Variants in NBAS observed in about 807,000 individuals in gnomAD.
NBAS encodes NAG/BC035112 fusion.
A neutral mutation model predicts 302.5 loss-of-function variants in NBAS; 219 were observed. That is an observed-to-expected ratio of 0.72 (90% CI 0.65 to 0.81). The LOEUF (loss-of-function observed/expected upper bound fraction) is 0.81. Among genes scored for constraint, NBAS ranks in the 30% least tolerant of loss-of-function variants. The probability of loss-of-function intolerance (pLI) is 0.00; values close to 1 mark genes in which losing one functional copy is unlikely to be tolerated. For synonymous variants in NBAS, 1,118 were observed against 1,021.6 expected (o/e 1.09, Z -1.80); for missense variants, 2,932 against 2,841.6 (o/e 1.03, Z -0.72).
chr2:15,096,577 C>T, the NBAS span, among the ~76,000 whole-genome samples: 1 of 152,200 alleles, frequency 6.6e-6, no homozygotes, highest in African/African-American at 2.4e-5. Flanking sequence ...TTCCCAAATG[C>T]AACAACTCTC....
In NBAS at chr2:15,374,901, A is replaced by C. The variant is rs115782429; in HGVS notation, c.3591-181T>G. On this transcript the variant is annotated intron_variant, in intron 30 of 51. Transcript: ENST00000281513. Reference sequence around the variant, plus strand: ...GCCTCTGAGGTAGGCAAACATCATCATCTATCTGCCTTTTCAGGGAGCTAA... The same window carrying C: ...GCCTCTGAGGTAGGCAAACATCATCCTCTATCTGCCTTTTCAGGGAGCTAA... 4.1e-3 allele frequency among the ~76,000 whole-genome samples: 617 copies of C among 152,272 alleles called. 4 individuals carry two copies. The highest frequency in any genetic ancestry group is 0.013 in the African/African-American group (550 of 41,556).
chr2:14,946,804 CAATAAAGTAAA>C, the NBAS span, among the ~76,000 whole-genome samples: 12 of 152,110 alleles, frequency 7.9e-5, no homozygotes, highest in Admixed American at 7.9e-4. Flanking sequence ...GGAACAAATT[CAATAAAGTAAA>C]AATCATATCA....
rs1677324475 is a variant in NBAS, at chr2:15,423,818, T to TC, written c.2577+496dup. Among the ~76,000 whole-genome samples, 3 of 152,326 alleles carry TC rather than the reference T, an allele frequency of 2.0e-5. No individual in the cohort carries two copies. In the South Asian group the frequency reaches 6.2e-4, roughly 32 times the overall value. On this transcript the variant is annotated intron_variant, in intron 23 of 51. Coordinates refer to ENST00000281513, the MANE Select transcript of NBAS (RefSeq NM_015909.4). ...TAAGGTTCAGTATAATCGTCATCTC[T>TC]CTCTTCCAGATCCTTCTCTAATGCA...
At chr2:15,555,098 G>A (rs1664586305) in intron 3 of NBAS, among the ~76,000 whole-genome samples, 1 of 151,912 alleles carries the variant, frequency 6.6e-6, no homozygotes, top group Non-Finnish European at 1.5e-5. Flanking sequence ...ATTCCAAAAT[G>A]TTAGTGGCCA....
chr2:15,431,114 G>A (rs1249382735), intron 21 of NBAS, among the ~76,000 whole-genome samples: 28 of 151,942 alleles, frequency 1.8e-4, no homozygotes, highest in Admixed American at 1.8e-3. Flanking sequence ...GCCGGTAGAG[G>A]GCAATTTGAG....
the NBAS span, among the ~76,000 whole-genome samples, chr2:15,136,660 C>T: frequency 3.9e-5 from 6 of 152,138 alleles, no homozygotes; most frequent in Non-Finnish European, 7.4e-5. Flanking sequence ...CAGGGAGACA[C>T]GGGTTTAGTG....
chr2:15,170,272 T>A (rs934105179), intron 51 of NBAS, among the ~76,000 whole-genome samples: 4 of 152,152 alleles, frequency 2.6e-5, no homozygotes, highest in Non-Finnish European at 5.9e-5. Context: ...ATCCTTCCCG[T>A]GTTTCTGGCT....
At chr2:15,444,956 T>TA (rs923446178) in intron 21 of NBAS, among the ~76,000 whole-genome samples, 3 of 149,424 alleles carry the variant, frequency 2.0e-5, no homozygotes, top group African/African-American at 7.4e-5. Flanking sequence ...CACAATGAGA[T>TA]ACCATCTCAC....
At position 15,173,231 on chromosome 2, in the gene NBAS, G is replaced by A. The variant is rs527889423; in HGVS notation, c.6840+5757C>T. Among the ~76,000 whole-genome samples the A allele has an allele frequency of 4.9e-4, 74 of 152,302 alleles. No homozygotes were observed. The South Asian group carries it at 0.014, about 28-fold the overall frequency. On this transcript the variant is annotated intron_variant, in intron 51 of 51. Transcript: ENST00000281513. ...ATCTATTAAAGCACAAAGCACTGCT[G>A]TCTTCCAAGCCATTAAAATGTTATC...
rs191591714 is a variant in NBAS, at chr2:15,468,335, T to C, written c.1877+47A>G. On this transcript the variant is annotated intron_variant, in intron 17 of 51. Coordinates refer to ENST00000281513, the MANE Select transcript of NBAS (RefSeq NM_015909.4). ...AGTCCAATGTCTCAGTACAAAAGTTTTCACAAAGTCACCTTTACTTTGAAT... is the reference window on the plus strand; with the variant it reads ...AGTCCAATGTCTCAGTACAAAAGTTCTCACAAAGTCACCTTTACTTTGAAT... The C allele has an allele frequency of 2.0e-4, 316 of 1,609,374 alleles. No homozygotes were observed. In the African/African-American group the frequency reaches 3.8e-3, roughly 19 times the overall value.
chr2:15,418,272 A>G (rs2148465357), intron 23 of NBAS, among the ~76,000 whole-genome samples: 1 of 152,338 alleles, frequency 6.6e-6, no homozygotes, highest in East Asian at 1.9e-4. Context: ...TTCAAAAGAC[A>G]AAAACACAGA....
chr2:14,994,751 G>A, the NBAS span, among the ~76,000 whole-genome samples: 1 of 152,134 alleles, frequency 6.6e-6, no homozygotes, highest in Non-Finnish European at 1.5e-5. Context: ...ATGGATTGTG[G>A]GCTCTGCCAG....
chr2:14,901,753 C>T, the NBAS span, among the ~76,000 whole-genome samples: 1 of 152,110 alleles, frequency 6.6e-6, no homozygotes, highest in Non-Finnish European at 1.5e-5. Flanking sequence ...AGCCCACAGC[C>T]CTCACAAGTT....
chr2:14,985,841 T>A, the NBAS span, among the ~76,000 whole-genome samples: 1 of 152,206 alleles, frequency 6.6e-6, no homozygotes, highest in African/African-American at 2.4e-5. Context: ...TAAAATTGCA[T>A]TATTAATTCT....
intron 42 of NBAS, among the ~76,000 whole-genome samples, chr2:15,286,497 C>T (rs1235185996): frequency 1.3e-5 from 2 of 152,210 alleles, no homozygotes; most frequent in African/African-American, 4.8e-5. Flanking sequence ...AGTCTCATCT[C>T]ACGCCATGTT....
chr2:15,546,907 T>G (rs1664144783), intron 6 of NBAS, among the ~76,000 whole-genome samples: 1 of 152,200 alleles, frequency 6.6e-6, no homozygotes, highest in African/African-American at 2.4e-5. Flanking sequence ...ACCCAGCCAC[T>G]GGAGGGCTGA....
At chr2:14,981,647 A>T in the NBAS span, among the ~76,000 whole-genome samples, 3 of 152,164 alleles carry the variant, frequency 2.0e-5, no homozygotes, top group Non-Finnish European at 4.4e-5. Context: ...CCACAATAGG[A>T]TGGGGCAGAC....
intron 26 of NBAS, among the ~76,000 whole-genome samples, chr2:15,397,099 A>C (rs781699704): frequency 7.9e-5 from 12 of 152,252 alleles, no homozygotes; most frequent in Non-Finnish European, 1.6e-4. Context: ...GACTAGGAGA[A>C]ACACCGTCAT....
chr2:14,910,504 C>G, the NBAS span, among the ~76,000 whole-genome samples: 17 of 152,200 alleles, frequency 1.1e-4, no homozygotes, highest in Admixed American at 9.2e-4. Context: ...GGTCCCTCAG[C>G]CAGGCCACAC....
Sources: gnomAD v4.1 joint callset for allele counts (sites outside exome capture counted in the v4.1 genomes callset) on GRCh38, gnomAD v4.1.1 for gene constraint, MANE v1.5 for transcripts, NCBI Gene and HGNC (gene_info 2026-07-23, HGNC 2026-07-21) for gene names.